Variants in SH3GL1 observed in about 807,000 individuals in gnomAD.
SH3GL1 encodes the protein SH3 domain containing GRB2 like 1, endophilin A2, also known as endophilin-A2.
A neutral mutation model predicts 48.8 loss-of-function variants in SH3GL1; 21 were observed. The ratio of observed to expected loss-of-function variants is 0.43; its 90% CI spans 0.30 to 0.62. SH3GL1 has a LOEUF of 0.62. SH3GL1 is among the 20% of genes least tolerant of loss of function. The probability of loss-of-function intolerance (pLI) is 0.11; values close to 1 mark genes in which losing one functional copy is unlikely to be tolerated. For missense variants in SH3GL1, 454 were observed against 503.0 expected (o/e 0.90, Z 0.93); for synonymous variants, 282 against 217.5 (o/e 1.30, Z -2.61).
chr19:4,399,244 C>T (rs1254225739), intron 1 of SH3GL1, among the ~76,000 whole-genome samples: 1 of 138,314 alleles, frequency 7.2e-6, no homozygotes, highest in East Asian at 2.1e-4. Flanking sequence ...TGCTTGAACA[C>T]AGGAGGCGGA....
intron 1 of SH3GL1, among the ~76,000 whole-genome samples, chr19:4,386,861 T>C (rs535209539): frequency 6.6e-6 from 1 of 152,232 alleles, no homozygotes; most frequent in Non-Finnish European, 1.5e-5. Context: ...TCCCACAGCG[T>C]GGCAGCTAAC....
rs139625927 is a variant in SH3GL1 at position 4,384,192 on chromosome 19, G to T, written c.45+16132C>A. Reference sequence around the variant, plus strand: ...AGGCTGGAGGGGATGTTACATCCGTGAGGAGGATGCCCAGCAGAAGCAGAG... The same window carrying T: ...AGGCTGGAGGGGATGTTACATCCGTTAGGAGGATGCCCAGCAGAAGCAGAG... On this transcript the variant is annotated intron_variant, in intron 1 of 9. Coordinates refer to ENST00000269886, the MANE Select transcript of SH3GL1 (RefSeq NM_003025.4). 2.0e-5 allele frequency among the ~76,000 whole-genome samples: 3 copies of T among 152,306 alleles called. No homozygotes were observed. In the East Asian group the frequency reaches 5.8e-4, roughly 29 times the overall value.
chr19:4,366,129 G>C (rs991926770), intron 3 of SH3GL1, among the ~76,000 whole-genome samples: 1 of 152,224 alleles, frequency 6.6e-6, no homozygotes, highest in African/African-American at 2.4e-5. Context: ...CTCAGCCAGG[G>C]AGACCCAGTC....
intron 1 of SH3GL1, among the ~76,000 whole-genome samples, chr19:4,378,336 C>T (rs1407079009): frequency 6.6e-6 from 1 of 152,010 alleles, no homozygotes; most frequent in South Asian, 2.1e-4. Context: ...CTCTGCCGTT[C>T]GGGGCTGTGA....
At chr19:4,377,431 A>G (rs935547924) in intron 1 of SH3GL1, among the ~76,000 whole-genome samples, 7 of 152,216 alleles carry the variant, frequency 4.6e-5, no homozygotes, top group Admixed American at 6.5e-5. Flanking sequence ...TGGCACACTT[A>G]CACAGGGACA....
chr19:4,375,084 C>T (rs570066647), intron 1 of SH3GL1, among the ~76,000 whole-genome samples: 1 of 152,158 alleles, frequency 6.6e-6, no homozygotes, highest in Admixed American at 6.5e-5. Flanking sequence ...CGGGCACCTA[C>T]GAGACCCACC....
At chr19:4,366,462 G>A (rs1421021913) in intron 3 of SH3GL1, 39 bp downstream of exon 3, 2 of 1,528,902 alleles carry the variant, frequency 1.3e-6, no homozygotes, top group African/African-American at 1.4e-5. Context: ...AGAGGCCAGA[G>A]GGCCTGGGGC....
intron 1 of SH3GL1, among the ~76,000 whole-genome samples, chr19:4,368,108 A>G (rs1972821256): frequency 6.6e-6 from 1 of 152,244 alleles, no homozygotes; most frequent in South Asian, 2.1e-4. Flanking sequence ...GAAGACGTGC[A>G]CACACGGCCT....
At position 4,367,078 on chromosome 19, in the gene SH3GL1, A is replaced by C. The variant is rs1972798697; in HGVS notation, c.46-84T>G. On this transcript the variant is annotated intron_variant, in intron 1 of 9. Coordinates refer to ENST00000269886, the MANE Select transcript of SH3GL1 (RefSeq NM_003025.4). This position sits in a 1 kb window ranked among gnomAD's most constrained non-coding sequence, Gnocchi z 4.2. ...GGAGGCCCTGAGCCGCCTTCCAGCC[A>C]CATCGCATCCACAGCTGGAGGCAGG... 7.2e-6 allele frequency: 9 copies of C among 1,243,532 alleles called. No individual in the cohort carries two copies. The highest frequency in any genetic ancestry group is 5.9e-6 in the Non-Finnish European group (5 of 843,458). 77.0% of individuals were successfully genotyped at this position (1,243,532 alleles called of 1,614,324 possible). A position where few individuals can be genotyped will look rare whatever the true frequency, so the allele number is the denominator to read the frequency against.
chr19:4,362,503 G>A lies in SH3GL1; in HGVS notation c.853+109C>T, dbSNP rs1972648662. On this transcript the variant is annotated intron_variant, in intron 8 of 9. Coordinates refer to ENST00000269886, the MANE Select transcript of SH3GL1 (RefSeq NM_003025.4). ...TTGGCGGTCCAGATGGAGCACGGCT[G>A]AGAGCTGCACCCAGGAGTCTGGCGC... 3.2e-6 allele frequency: 5 copies of A among 1,578,398 alleles called. No homozygotes were observed. In the East Asian group the frequency reaches 7.0e-5, roughly 22 times the overall value.
chr19:4,382,253 C>CTTTT lies in SH3GL1; in HGVS notation c.46-15263_46-15260dup, dbSNP rs34085741. On this transcript the variant is annotated intron_variant, in intron 1 of 9. Coordinates refer to ENST00000269886, the MANE Select transcript of SH3GL1 (RefSeq NM_003025.4). ...ACAGCAGGGGAAGGTGCTCCGCTTT[C>CTTTT]TTTTTTTTTTTTTTTTTTTTTTGAG... Among the ~76,000 whole-genome samples, 158 of 102,324 alleles carry CTTTT rather than the reference C, an allele frequency of 1.5e-3. 1 individual carries two copies. The highest frequency in any genetic ancestry group is 1.9e-3 in the African/African-American group (51 of 27,430). 67.1% of individuals were successfully genotyped at this position (102,324 alleles called of 152,430 possible).
At chr19:4,378,252 C>T (rs1052896282) in intron 1 of SH3GL1, among the ~76,000 whole-genome samples, 2 of 152,206 alleles carry the variant, frequency 1.3e-5, no homozygotes, top group African/African-American at 4.8e-5. Context: ...TGTGCCGTAA[C>T]GCCACGAGGC....
At chr19:4,369,590 G>A (rs533775829) in intron 1 of SH3GL1, among the ~76,000 whole-genome samples, 92 of 152,272 alleles carry the variant, frequency 6.0e-4, no homozygotes, top group African/African-American at 2.1e-3. Flanking sequence ...CTGGGGACCC[G>A]CCACGGTACC....
rs1972584408 is a variant in SH3GL1 at position 4,360,760 on chromosome 19, C to G, written c.*840G>C. 5 of 233,546 alleles carry G rather than the reference C, an allele frequency of 2.1e-5. No homozygotes were observed. The South Asian group carries it at 9.0e-4, about 42-fold the overall frequency. The allele number at this position is 233,546 out of a possible 1,614,324, so 14.5% of individuals were successfully genotyped here. A position where few individuals can be genotyped will look rare whatever the true frequency, so the allele number is the denominator to read the frequency against. On this transcript the variant is annotated 3_prime_UTR_variant, in exon 10 of 10. Coordinates refer to ENST00000269886, the MANE Select transcript of SH3GL1 (RefSeq NM_003025.4). ...CGCTCACTGGAACCTTTGTGCTTGG[C>G]CCTCGGCAGCGCGGCTGTGGTCCCG...
intron 4 of SH3GL1, 108 bp downstream of exon 4, chr19:4,365,374 A>G (rs1431460273): frequency 1.4e-6 from 2 of 1,447,506 alleles, no homozygotes; most frequent in Non-Finnish European, 1.9e-6. Flanking sequence ...TGTGGGGGCC[A>G]CTGTACGTCC....
rs957358789 is a variant in SH3GL1 at position 4,376,641 on chromosome 19, C to T, written c.46-9647G>A. Among the ~76,000 whole-genome samples the T allele has an allele frequency of 1.3e-5, 2 of 152,030 alleles. No individual in the cohort carries two copies. Among genetic ancestry groups the T allele is most frequent in the Non-Finnish European group, 2.9e-5 (2 of 67,994 alleles). Reference sequence around the variant, plus strand: ...CCCCCATCTGCCTGGGCGGCCCCCCCATCTCCCCTCAGAGCTTTTGCTCTC... The same window carrying T: ...CCCCCATCTGCCTGGGCGGCCCCCCTATCTCCCCTCAGAGCTTTTGCTCTC... On this transcript the variant is annotated intron_variant, in intron 1 of 9. Transcript: ENST00000269886. This position sits in a 1 kb window ranked among gnomAD's most constrained non-coding sequence, Gnocchi z 4.3.
Position 4,376,741 on chromosome 19 carries a change from CA to C in SH3GL1, c.46-9748del, listed in dbSNP as rs1272018826. Reference sequence around the variant, plus strand: ...CTTAGCCACCAGGGCTCTGTCCATCCAAATGTCCCCATGGCTGCAAGGCTGC... The same window carrying C: ...CTTAGCCACCAGGGCTCTGTCCATCCAATGTCCCCATGGCTGCAAGGCTGC... On this transcript the variant is annotated intron_variant, in intron 1 of 9. Coordinates refer to ENST00000269886, the MANE Select transcript of SH3GL1 (RefSeq NM_003025.4). This position sits in a 1 kb window ranked among gnomAD's most constrained non-coding sequence, Gnocchi z 4.3. 1.3e-5 allele frequency among the ~76,000 whole-genome samples: 2 copies of C among 152,172 alleles called. No individual in the cohort carries two copies. Among genetic ancestry groups the C allele is most frequent in the Non-Finnish European group, 2.9e-5 (2 of 68,022 alleles).
chr19:4,373,331 T>G (rs1972940201), intron 1 of SH3GL1, among the ~76,000 whole-genome samples: 1 of 152,108 alleles, frequency 6.6e-6, no homozygotes, highest in African/African-American at 2.4e-5. Flanking sequence ...CAGCCGGGGC[T>G]CCCCTCAGCA....
intron 1 of SH3GL1, among the ~76,000 whole-genome samples, chr19:4,372,506 G>A (rs936575987): frequency 5.3e-5 from 8 of 152,202 alleles, no homozygotes; most frequent in African/African-American, 1.7e-4. Flanking sequence ...CAGGGTCGGG[G>A]TGGAGGCCCC....
Sources: gnomAD v4.1 joint callset for allele counts (sites outside exome capture counted in the v4.1 genomes callset) on GRCh38, gnomAD v4.1.1 for gene constraint, Gnocchi (gnomAD v3.1) non-coding constraint, MANE v1.5 for transcripts, NCBI Gene and HGNC (gene_info 2026-07-23, HGNC 2026-07-21) for gene names.